The following ETAA1 variants were observed in gnomAD, a reference collection of about 807,000 sequenced individuals.
The protein encoded by ETAA1 is ewing's tumor-associated antigen 1.
In ETAA1, 49 loss-of-function variants were observed where a neutral mutation model predicts 76.8. The observed-to-expected ratio is 0.64, with a 90% CI of 0.51 to 0.81. The LOEUF is 0.81. Ranked by LOEUF, ETAA1 falls within the 30% of genes least tolerant of loss-of-function variation. ETAA1 has a pLI of 0.00. For missense variants in ETAA1, 1,099 were observed against 1,074.0 expected, an observed-to-expected ratio of 1.02 and a Z score of -0.32; for synonymous variants, 373 against 372.2, an observed-to-expected ratio of 1.00 and a Z score of -0.03.
Position 67,402,790 on chromosome 2 carries a change from C to T in ETAA1, c.430-72C>T, listed in dbSNP as rs577501655. ...TTAGTTTTTATTGTCTTTTTTCTTT[C>T]TTTTGTTTTTTTGGAAGACGGGGGA... On this transcript the variant is annotated intron_variant, in intron 3 of 5. Coordinates refer to ENST00000272342, the MANE Select transcript of ETAA1 (RefSeq NM_019002.4). 118 of 997,432 alleles carry T rather than the reference C, an allele frequency of 1.2e-4. 1 individual carries two copies. Among genetic ancestry groups the T allele is most frequent in the South Asian group, 9.0e-4 (40 of 44,556 alleles). The allele number at this position is 997,432 out of a possible 1,614,324, so 61.8% of individuals were successfully genotyped here.
chr2:67,403,844 G>C lies in ETAA1; in HGVS notation c.1162G>C (p.Gly388Arg). Residue 388 changes from glycine (G) to arginine (R), a missense_variant, in exon 5 of 6, where the codon GGT (glycine) becomes CGT (arginine). Coordinates refer to ENST00000272342, the MANE Select transcript of ETAA1 (RefSeq NM_019002.4). ...DFEDDWENLL[G>R]SEPFAMQNID... ...TGAGGATGATTGGGAAAACTTACTA[G>C]GTAGTGAACCTTTTGCTATGCAAAA... is the stretch of plus-strand genomic sequence containing the variant. The C allele has an allele frequency of 6.2e-7, 1 of 1,613,240 alleles. No homozygotes were observed. The highest frequency in any genetic ancestry group is 8.5e-7 in the Non-Finnish European group (1 of 1,179,472).
chr2:67,403,475 A>G lies in ETAA1; in HGVS notation c.793A>G (p.Asn265Asp). ...AGGAAACACCAAGATATCTGTGGCA[A>G]ATAATCAAAATAGCAGTCAGAAGCC... ...IKGNTKISVA[N>D]NQNSSQKPFD... Residue 265 changes from asparagine to aspartate, a missense_variant, in exon 5 of 6, where the codon AAT becomes GAT. Asn to Asp is a conservative substitution (Grantham distance 23). Transcript: ENST00000272342. The G allele has an allele frequency of 1.2e-6, 2 of 1,613,420 alleles. No individual in the cohort carries two copies. The highest frequency in any genetic ancestry group is 1.7e-4 in the Middle Eastern group (1 of 6,060).
At position 67,397,601 on chromosome 2, in the gene ETAA1, G is replaced by T; in HGVS notation, c.153G>T (p.Gly51=). 6.4e-7 allele frequency: 1 copy of T among 1,550,668 alleles called. No individual in the cohort carries two copies. The highest frequency in any genetic ancestry group is 8.7e-7 in the Non-Finnish European group (1 of 1,147,796). ...RGSWPCGARE[G]PPGPVRQREQ... ...CGTGGCCCTGCGGGGCTAGAGAGGG[G>T]CCTCCCGGGCCAGTGCGGCAGCGAG... is the stretch of plus-strand genomic sequence containing the variant. Residue 51 remains glycine, a synonymous_variant, in exon 1 of 6, where the codon GGG becomes GGT. Transcript: ENST00000272342.
At chr2:67,399,420 T>G (rs1389123617) in intron 2 of ETAA1, 123 bp downstream of exon 2, 1 of 1,149,244 alleles carries the variant, frequency 8.7e-7, no homozygotes. Context: ...TTTATCTGTA[T>G]AAGTATGTGA....
chr2:67,402,955 G>A lies in ETAA1; in HGVS notation c.523G>A (p.Ala175Thr). The change falls in exon 4 of 6, where the codon GCA becomes ACA. Residue 175 changes from alanine (A) to threonine (T), a missense_variant. Ala to Thr is a moderately conservative substitution (Grantham distance 58). This residue lies in a region of ETAA1 where 761 missense variants were observed against 731.9 expected (regional missense o/e 1.04). Coordinates refer to ENST00000272342, the MANE Select transcript of ETAA1 (RefSeq NM_019002.4). ...TPSVAKGKSR[A>T]KISCTKLKTQ... ...CAGTGTAGCAAAAGGAAAATCAAGA[G>A]CAAAAATCAGCTGCACAAAGTAAGT... 6.2e-7 allele frequency: 1 copy of A among 1,604,216 alleles called. No homozygotes were observed. The highest frequency in any genetic ancestry group is 8.5e-7 in the Non-Finnish European group (1 of 1,175,478).
Position 67,402,975 on chromosome 2 carries a change from G to T in ETAA1, c.542+1G>T. 1.9e-6 allele frequency: 3 copies of T among 1,595,550 alleles called. No homozygotes were observed. Among genetic ancestry groups the T allele is most frequent in the Non-Finnish European group, 2.6e-6 (3 of 1,171,600 alleles). On this transcript the variant is annotated splice_donor_variant, in intron 4 of 5. Transcript: ENST00000272342. LOFTEE classifies it high-confidence loss of function. ...CAAGAGCAAAAATCAGCTGCACAAA[G>T]TAAGTTAAGACTTTTCAGCTTTTCT...
At position 67,404,662 on chromosome 2, in the gene ETAA1, G is replaced by A. The variant is rs1676153264; in HGVS notation, c.1980G>A (p.Lys660=). The A allele has an allele frequency of 6.2e-7, 1 of 1,613,178 alleles. No individual in the cohort carries two copies. Among genetic ancestry groups the A allele is most frequent in the Non-Finnish European group, 8.5e-7 (1 of 1,179,524 alleles). ...TQQQDIRKDS[K]TSESICEINN... Reference sequence around the variant, plus strand: ...AACAAGACATTAGAAAGGACAGTAAGACATCAGAAAGTATATGTGAGATCA... The same window carrying A: ...AACAAGACATTAGAAAGGACAGTAAAACATCAGAAAGTATATGTGAGATCA... The change falls in exon 5 of 6, where the codon AAG becomes AAA. Residue 660 remains lysine, a synonymous_variant. Coordinates refer to ENST00000272342, the MANE Select transcript of ETAA1 (RefSeq NM_019002.4).
In ETAA1 at chr2:67,410,168, TTAA is replaced by T. The variant is rs1291050981; in HGVS notation, c.*134_*136del. ...TATAAAGCCTGGACTTCTACTTTATTTAATAAATCAATGTTTGCAATGGTAAAT... is the reference window on the plus strand; with the variant it reads ...TATAAAGCCTGGACTTCTACTTTATTTAAATCAATGTTTGCAATGGTAAAT... On this transcript the variant is annotated 3_prime_UTR_variant, in exon 6 of 6. Transcript: ENST00000272342. 4 of 808,208 alleles carry T rather than the reference TTAA, an allele frequency of 4.9e-6. No individual in the cohort carries two copies. The Admixed American group carries it at 1.1e-4, about 22-fold the overall frequency. The allele number at this position is 808,208 out of a possible 1,614,324, so 50.1% of individuals were successfully genotyped here.
At chr2:67,402,795 G>GT (rs1049053056) in intron 3 of ETAA1, 67 bp from the exon 4 acceptor site, 44 of 1,044,154 alleles carry the variant, frequency 4.2e-5, no homozygotes, top group Non-Finnish European at 5.7e-5. Flanking sequence ...TCTTTCTTTT[G>GT]TTTTTTTGGA....
At chr2:67,400,402 T>C (rs1676019766) in intron 3 of ETAA1, 1 of 152,116 alleles carries the variant, frequency 6.6e-6, no homozygotes, top group South Asian at 2.1e-4. Flanking sequence ...GGCAGGAAGA[T>C]TGCTTGAGGC....
Position 67,409,980 on chromosome 2 carries a change from G to A in ETAA1, c.2723G>A (p.Arg908Gln), listed in dbSNP as rs1676327523. 4 of 1,609,612 alleles carry A rather than the reference G, an allele frequency of 2.5e-6. No individual in the cohort carries two copies. The highest frequency in any genetic ancestry group is 3.4e-6 in the Non-Finnish European group (4 of 1,178,210). The change falls in exon 6 of 6, where the codon CGG (arginine) becomes CAG (glutamine). Residue 908 changes from arginine (R) to glutamine (Q), a missense_variant. This residue lies in a region of ETAA1 where 302 missense variants were observed against 278.1 expected (regional missense o/e 1.09). Transcript: ENST00000272342. ...IQRKRQEALVRRMAKARASSV... is the reference protein window; with the variant it reads ...IQRKRQEALVQRMAKARASSV... ...AGAAAAAGACAAGAAGCACTGGTTC[G>A]GAGAATGGCTAAAGCACGAGCCTCA...
chr2:67,405,180 C>G lies in ETAA1; in HGVS notation c.2498C>G (p.Ser833Cys), dbSNP rs781375958. Residue 833 changes from serine (S) to cysteine (C), a missense_variant, in exon 5 of 6, where the codon TCT becomes TGT. Coordinates refer to ENST00000272342, the MANE Select transcript of ETAA1 (RefSeq NM_019002.4). ...FTRMKNSQIL[S>C]QFNQNCITGS... ...AGGATGAAAAATTCTCAGATTCTTT[C>G]TCAGTTTAATCAAAATTGTATAACT... 1 of 1,612,410 alleles carries G rather than the reference C, an allele frequency of 6.2e-7. No individual in the cohort carries two copies. Among genetic ancestry groups the G allele is most frequent in the South Asian group, 1.1e-5 (1 of 90,976 alleles).
At chr2:67,402,258 AT>A (rs1239379380) in intron 3 of ETAA1, 1 of 151,722 alleles carries the variant, frequency 6.6e-6, no homozygotes, top group Non-Finnish European at 1.5e-5. Flanking sequence ...TGTTTTCTCT[AT>A]TTTTTTATTC....
chr2:67,403,976 A>C lies in ETAA1; in HGVS notation c.1294A>C (p.Thr432Pro). Residue 432 changes from threonine (T) to proline (P), a missense_variant, in exon 5 of 6, where the codon ACA (threonine) becomes CCA (proline). Thr to Pro is a conservative substitution (Grantham distance 38). Transcript: ENST00000272342. ...TGTTAAAAATACGTCAAGAGCAAAT[A>C]CAAGTCCAGATGCCAGGTTAGGAGA... ...KTVKNTSRANTSPDARLGDSK... is the reference protein window; with the variant it reads ...KTVKNTSRANPSPDARLGDSK... 1 of 1,608,548 alleles carries C rather than the reference A, an allele frequency of 6.2e-7. No homozygotes were observed. Among genetic ancestry groups the C allele is most frequent in the Non-Finnish European group, 8.5e-7 (1 of 1,178,122 alleles).
At chr2:67,397,777 C>A in intron 1 of ETAA1, 106 bp downstream of exon 1, 1 of 1,173,234 alleles carries the variant, frequency 8.5e-7, no homozygotes, top group Non-Finnish European at 1.2e-6. Flanking sequence ...AGCGTGTATT[C>A]TGTCTCTGGG....
rs1415444626 is a variant in ETAA1 at position 67,397,689 on chromosome 2, C to G, written c.223+18C>G. On this transcript the variant is annotated intron_variant, in intron 1 of 5. Transcript: ENST00000272342. ...CCCCGAGGGTGAGACGTCGGCAGCG[C>G]GGCCTGCCTTGGCTTCGGCGCCGCA... 1 of 1,543,786 alleles carries G rather than the reference C, an allele frequency of 6.5e-7. No homozygotes were observed. Among genetic ancestry groups the G allele is most frequent in the East Asian group, 2.4e-5 (1 of 40,904 alleles).
rs1350886173 is a variant in ETAA1, at chr2:67,410,268, A to G, written c.*230A>G. On this transcript the variant is annotated 3_prime_UTR_variant, in exon 6 of 6. Coordinates refer to ENST00000272342, the MANE Select transcript of ETAA1 (RefSeq NM_019002.4). ...TTTTGGAAATTCAGGAAAGTTAGCA[A>G]TTATGTACGGATATTATACAGAGGA... is the stretch of plus-strand genomic sequence containing the variant. 6 of 462,014 alleles carry G rather than the reference A, an allele frequency of 1.3e-5. No homozygotes were observed. Among genetic ancestry groups the G allele is most frequent in the South Asian group, 5.5e-5 (2 of 36,670 alleles). The allele number at this position is 462,014 out of a possible 1,614,324, so 28.6% of individuals were successfully genotyped here.
intron 5 of ETAA1, among the ~76,000 whole-genome samples, chr2:67,408,838 G>A (rs1025335561): frequency 1.3e-5 from 2 of 152,088 alleles, no homozygotes; most frequent in African/African-American, 2.4e-5. Flanking sequence ...CAAATTCAGT[G>A]TAAAGTCTTT....
rs187746883 is a variant in ETAA1 at position 67,408,006 on chromosome 2, C to G, written c.2654-1905C>G. 2.0e-5 allele frequency among the ~76,000 whole-genome samples: 3 copies of G among 152,184 alleles called. No individual in the cohort carries two copies. In the East Asian group the frequency reaches 5.8e-4, roughly 29 times the overall value. On this transcript the variant is annotated intron_variant, in intron 5 of 5. Coordinates refer to ENST00000272342, the MANE Select transcript of ETAA1 (RefSeq NM_019002.4). ...GGAGTATTTGAGTTTTCCCAAAACT[C>G]CTATCTACCAATCTATCTGCATTTT...
Sources: allele counts gnomAD v4.1 joint callset (sites outside exome capture counted in the v4.1 genomes callset), GRCh38; gene constraint gnomAD v4.1.1; regional missense constraint gnomAD v4.1.1; transcripts MANE v1.5; gene names NCBI Gene and HGNC (gene_info 2026-07-23, HGNC 2026-07-21).